DOCK8: variants seen among roughly 807,000 people sequenced by gnomAD.
DOCK8 encodes the protein dedicator of cytokinesis 8.
Under a neutral mutation model 245.6 loss-of-function variants are expected in DOCK8, and 141 were observed. The ratio of observed to expected loss-of-function variants is 0.57; its 90% confidence interval spans 0.50 to 0.66. The LOEUF (loss-of-function observed/expected upper bound fraction) is 0.66, where lower values mean the gene tolerates loss of function less well. Among genes scored for constraint, DOCK8 ranks in the 30% least tolerant of loss-of-function variants. The probability of loss-of-function intolerance (pLI) is 0.00; values close to 1 mark genes in which losing one functional copy is unlikely to be tolerated. For missense variants in DOCK8, 2,965 were observed against 2,603.4 expected (o/e 1.14, Z -3.02); for synonymous variants, 1,168 against 970.2 (o/e 1.20, Z -3.79).
upstream of DOCK8, chr9:214,843 G>C (rs747780047): frequency 6.2e-7 from 1 of 1,601,390 alleles, no homozygotes; most frequent in Admixed American, 1.7e-5. Flanking sequence ...AGGTGGAAAT[G>C]CGGAAGTTTC....
chr9:286,716 A>G (rs897709414), intron 3 of DOCK8, 80 bp downstream of exon 3: 2 of 1,319,666 alleles, frequency 1.5e-6, no homozygotes, highest in East Asian at 4.7e-5. Context: ...GATGCCTTCA[A>G]TCTGAACTTA....
intron 24 of DOCK8, among the ~76,000 whole-genome samples, chr9:393,347 A>C (rs957333572): frequency 3.3e-5 from 5 of 152,218 alleles, no homozygotes; most frequent in African/African-American, 1.2e-4. Flanking sequence ...CAATGGGAGA[A>C]AGAATAATCA....
At chr9:283,281 T>G (rs1390241255) in intron 2 of DOCK8, among the ~76,000 whole-genome samples, 3 of 152,202 alleles carry the variant, frequency 2.0e-5, no homozygotes, top group Non-Finnish European at 4.4e-5. Context: ...AATGCAAAAT[T>G]CAAAATGCTC....
intron 28 of DOCK8, among the ~76,000 whole-genome samples, chr9:408,642 T>C (rs2055551525): frequency 6.6e-6 from 1 of 152,246 alleles, no homozygotes; most frequent in Non-Finnish European, 1.5e-5. Context: ...ATTTTCTTAG[T>C]TGTCCTTTAA....
At chr9:415,629 A>G (rs2055961368) in intron 29 of DOCK8, among the ~76,000 whole-genome samples, 1 of 151,926 alleles carries the variant, frequency 6.6e-6, no homozygotes, top group Non-Finnish European at 1.5e-5. Context: ...TTGACCTGAG[A>G]AAGGCAGTCC....
In DOCK8 at chr9:283,558, C is replaced by G. The variant is rs184954729; in HGVS notation, c.157-2903C>G. On this transcript the variant is annotated intron_variant, in intron 2 of 47. Transcript: ENST00000432829. ...GCATCCCTCACCCCCTCCCATCTTC[C>G]CACCTCTCCAAGCCTTTCATGTCTA... is the stretch of plus-strand genomic sequence containing the variant. Among the ~76,000 whole-genome samples the G allele has an allele frequency of 7.2e-4, 110 of 152,226 alleles. 1 individual carries two copies. Among genetic ancestry groups the G allele is most frequent in the African/African-American group, 2.6e-3 (106 of 41,538 alleles).
At chr9:291,552 A>T (rs1040416967) in intron 4 of DOCK8, among the ~76,000 whole-genome samples, 1 of 152,152 alleles carries the variant, frequency 6.6e-6, no homozygotes, top group Non-Finnish European at 1.5e-5. Flanking sequence ...CCTCAATACA[A>T]TGATTGATGA....
At chr9:416,390 C>G (rs962013286) in intron 29 of DOCK8, among the ~76,000 whole-genome samples, 1 of 152,182 alleles carries the variant, frequency 6.6e-6, no homozygotes, top group African/African-American at 2.4e-5. Flanking sequence ...ACCACTTTAG[C>G]ACACATTATC....
intron 1 of DOCK8, among the ~76,000 whole-genome samples, chr9:231,348 T>C (rs1587626039): frequency 1.3e-5 from 2 of 152,148 alleles, no homozygotes; most frequent in Admixed American, 1.3e-4. Context: ...TGCCTCCAGC[T>C]TTGTTCTTTT....
At chr9:344,397 C>CT (rs765092061) in intron 14 of DOCK8, among the ~76,000 whole-genome samples, 5 of 152,100 alleles carry the variant, frequency 3.3e-5, no homozygotes, top group Non-Finnish European at 7.4e-5. Flanking sequence ...TCCTTGTGTG[C>CT]TTTAGGGTGG....
intron 44 of DOCK8, among the ~76,000 whole-genome samples, chr9:448,075 T>C (rs1354041771): frequency 6.6e-6 from 1 of 152,166 alleles, no homozygotes; most frequent in Non-Finnish European, 1.5e-5. Context: ...TCTTCCTTTT[T>C]TTCTGTGTCT....
intron 1 of DOCK8, among the ~76,000 whole-genome samples, chr9:246,215 C>T (rs1391933997): frequency 1.3e-5 from 2 of 150,644 alleles, no homozygotes; most frequent in Admixed American, 6.6e-5. Flanking sequence ...TGACACCCAT[C>T]TCAGAAAAAA....
chr9:339,305 A>G (rs1468106308), intron 13 of DOCK8, among the ~76,000 whole-genome samples: 1 of 152,236 alleles, frequency 6.6e-6, no homozygotes, highest in Admixed American at 6.5e-5. Context: ...TTGATTTAGT[A>G]AACAAACCTT....
chr9:314,950 A>G (rs767865777), intron 6 of DOCK8, among the ~76,000 whole-genome samples: 2 of 152,194 alleles, frequency 1.3e-5, no homozygotes, highest in Non-Finnish European at 2.9e-5. Flanking sequence ...TTCTTTCCCT[A>G]ATTCATTCTG....
At position 312,183 on chromosome 9, in the gene DOCK8, C is replaced by G. The variant is rs777211215; in HGVS notation, c.741+17C>G. 3 of 1,613,398 alleles carry G rather than the reference C, an allele frequency of 1.9e-6. No individual in the cohort carries two copies. Among genetic ancestry groups the G allele is most frequent in the Admixed American group, 3.3e-5 (2 of 59,980 alleles). Reference sequence around the variant, plus strand: ...GTGGACGAGGTGGGTGCCACTGTTTCCATACTGGAGAATCTCAGTGAAGAC... The same window carrying G: ...GTGGACGAGGTGGGTGCCACTGTTTGCATACTGGAGAATCTCAGTGAAGAC... On this transcript the variant is annotated intron_variant, in intron 6 of 47. Transcript: ENST00000432829.
At chr9:304,552 C>T (rs551965208) in intron 4 of DOCK8, 29 bp from the exon 5 acceptor site, 1 of 1,613,718 alleles carries the variant, frequency 6.2e-7, no homozygotes, top group African/African-American at 1.3e-5. Context: ...CCCTCTTTCT[C>T]TCTCCAAATT....
At chr9:424,068 T>C (rs1483914222) in intron 33 of DOCK8, among the ~76,000 whole-genome samples, 1 of 151,770 alleles carries the variant, frequency 6.6e-6, no homozygotes, top group African/African-American at 2.4e-5. Context: ...TGTGCTTTTT[T>C]TTTTTTTTTA....
chr9:459,669 C>T (rs2057744151), intron 46 of DOCK8: 1 of 152,218 alleles, frequency 6.6e-6, no homozygotes, highest in South Asian at 2.1e-4. Flanking sequence ...CAGTTTTTGC[C>T]TGGAGTCTCT....
intron 7 of DOCK8, among the ~76,000 whole-genome samples, chr9:317,833 C>G (rs192274336): frequency 3.3e-5 from 5 of 152,232 alleles, no homozygotes; most frequent in East Asian, 1.9e-4. Context: ...TATACCGACT[C>G]CCTAAATATG....
Sources: gnomAD v4.1 joint callset for allele counts (sites outside exome capture counted in the v4.1 genomes callset) on GRCh38, gnomAD v4.1.1 for gene constraint, MANE v1.5 for transcripts, NCBI Gene and HGNC (gene_info 2026-07-23, HGNC 2026-07-21) for gene names.